The following SEMA5A variants were observed in gnomAD, a reference collection of about 807,000 sequenced individuals.
SEMA5A encodes semaphorin-5A.
Under a neutral mutation model 135.5 loss-of-function variants are expected in SEMA5A, and 55 were observed. That is an observed-to-expected ratio of 0.41 (90% CI 0.33 to 0.51). SEMA5A has a LOEUF of 0.51. Among genes scored for constraint, SEMA5A ranks in the 20% least tolerant of loss-of-function variants. SEMA5A has a pLI of 0.37. For missense variants in SEMA5A, 1,290 were observed against 1,419.9 expected, an observed-to-expected ratio of 0.91 and a Z score of 1.47; for synonymous variants, 580 against 546.5, an observed-to-expected ratio of 1.06 and a Z score of -0.85.
chr5:9,114,741 A>T (rs1374765643), intron 15 of SEMA5A, among the ~76,000 whole-genome samples: 1 of 152,246 alleles, frequency 6.6e-6, no homozygotes, highest in Non-Finnish European at 1.5e-5. Flanking sequence ...CTAAAAGAAC[A>T]GGAACTGGAT....
chr5:9,188,389 A>G (rs1278586251), intron 11 of SEMA5A, among the ~76,000 whole-genome samples: 1 of 152,248 alleles, frequency 6.6e-6, no homozygotes, highest in Non-Finnish European at 1.5e-5. Flanking sequence ...GAGGAGTTTC[A>G]TCAGAAATCC....
chr5:9,044,496 C>G lies in SEMA5A; in HGVS notation c.2982G>C (p.Gln994His). The change falls in exon 22 of 23, where the codon CAG (glutamine) becomes CAC (histidine). Residue 994 changes from glutamine (Q) to histidine (H), a missense_variant. Gln to His is a conservative substitution (Grantham distance 24, BLOSUM62 0). Coordinates refer to ENST00000382496, the MANE Select transcript of SEMA5A (RefSeq NM_003966.3). ...LLTLLVYTYC[Q>H]RYQQQSHDAT... is the part of the protein sequence containing the mutation. ...CATCGTGGGATTGCTGCTGGTACCG[C>G]TGGCAGTAAGTATAGACGAGCAGGG... is the stretch of plus-strand genomic sequence containing the variant. 1 of 1,613,958 alleles carries G rather than the reference C, an allele frequency of 6.2e-7. No individual in the cohort carries two copies. Among genetic ancestry groups the G allele is most frequent in the African/African-American group, 1.3e-5 (1 of 75,004 alleles).
rs970260314 is a variant in SEMA5A at position 9,397,737 on chromosome 5, C to T, written c.-77-17714G>A. On this transcript the variant is annotated intron_variant, in intron 2 of 22. Transcript: ENST00000382496. ...AATCAAGATGAATTGGGAGCTTAAG[C>T]GCTGTCTCTAATTCACACCACCAGA... Among the ~76,000 whole-genome samples the T allele has an allele frequency of 7.2e-5, 11 of 152,288 alleles. 1 individual carries two copies. In the South Asian group the frequency reaches 1.5e-3, roughly 20 times the overall value.
At chr5:9,192,456 G>A (rs1745163459) in intron 10 of SEMA5A, among the ~76,000 whole-genome samples, 1 of 152,214 alleles carries the variant, frequency 6.6e-6, no homozygotes, top group Admixed American at 6.5e-5. Flanking sequence ...AATGGTAAAT[G>A]CATTGGTCTT....
At chr5:9,150,113 A>G (rs1338310257) in intron 12 of SEMA5A, among the ~76,000 whole-genome samples, 1 of 152,186 alleles carries the variant, frequency 6.6e-6, no homozygotes, top group African/African-American at 2.4e-5. Context: ...TGCAGGGATT[A>G]CAGGTGTGAG....
At chr5:9,324,295 C>T (rs2150684373) in intron 4 of SEMA5A, among the ~76,000 whole-genome samples, 1 of 151,364 alleles carries the variant, frequency 6.6e-6, no homozygotes, top group East Asian at 2.0e-4. Flanking sequence ...GTCTCTATCT[C>T]CTGACCTCAT....
At chr5:9,176,315 A>T (rs1362159671) in intron 11 of SEMA5A, among the ~76,000 whole-genome samples, 1 of 152,160 alleles carries the variant, frequency 6.6e-6, no homozygotes, top group African/African-American at 2.4e-5. Context: ...CAGCCAGGAC[A>T]AAACTAGGGC....
At chr5:9,348,374 T>C (rs1431556909) in intron 3 of SEMA5A, among the ~76,000 whole-genome samples, 3 of 152,206 alleles carry the variant, frequency 2.0e-5, no homozygotes, top group African/African-American at 7.2e-5. Flanking sequence ...TATAAGATTA[T>C]GCAAATTCAT....
Position 9,324,217 on chromosome 5 carries a change from C to T in SEMA5A, c.225-5800G>A, listed in dbSNP as rs1048738258. ...CCGAGTAGCTGGGACTACAGGCGCC[C>T]GCCACCACACCTGGCTAATTTTTTG... On this transcript the variant is annotated intron_variant, in intron 4 of 22. Coordinates refer to ENST00000382496, the MANE Select transcript of SEMA5A (RefSeq NM_003966.3). Among the ~76,000 whole-genome samples, 20 of 151,692 alleles carry T rather than the reference C, an allele frequency of 1.3e-4. 1 individual carries two copies. Among genetic ancestry groups the T allele is most frequent in the African/African-American group, 4.6e-4 (19 of 41,262 alleles).
chr5:9,304,467 T>G (rs1422787497), intron 5 of SEMA5A, among the ~76,000 whole-genome samples: 1 of 151,868 alleles, frequency 6.6e-6, no homozygotes, highest in Non-Finnish European at 1.5e-5. Context: ...CTTTATATTA[T>G]TTTTAAAGTT....
At chr5:9,478,061 G>T (rs901954461) in intron 1 of SEMA5A, among the ~76,000 whole-genome samples, 3 of 152,132 alleles carry the variant, frequency 2.0e-5, no homozygotes, top group Non-Finnish European at 2.9e-5. Context: ...TGACTATAGG[G>T]GCCAAGGTAC....
intron 5 of SEMA5A, among the ~76,000 whole-genome samples, chr5:9,304,550 C>T (rs927656380): frequency 5.3e-5 from 8 of 151,992 alleles, no homozygotes; most frequent in African/African-American, 1.4e-4. Flanking sequence ...GTCATACAGC[C>T]TATATAGTTT....
At chr5:9,401,485 C>T (rs1272195202) in intron 2 of SEMA5A, among the ~76,000 whole-genome samples, 2 of 152,104 alleles carry the variant, frequency 1.3e-5, no homozygotes, top group African/African-American at 4.8e-5. Flanking sequence ...GACACCTGTG[C>T]AATTACAATG....
intron 3 of SEMA5A, among the ~76,000 whole-genome samples, chr5:9,358,838 T>C (rs541552897): frequency 4.6e-5 from 7 of 152,324 alleles, no homozygotes; most frequent in Middle Eastern, 3.4e-3. Flanking sequence ...CTCTATGCTA[T>C]GACAAATATG....
chr5:9,512,955 G>A (rs965080595), intron 1 of SEMA5A, among the ~76,000 whole-genome samples: 1 of 151,700 alleles, frequency 6.6e-6, no homozygotes, highest in Non-Finnish European at 1.5e-5. Context: ...ATAGAGTTCT[G>A]TGCCAAAGCA....
chr5:9,544,621 C>A (rs930685597), intron 1 of SEMA5A, among the ~76,000 whole-genome samples: 1 of 152,234 alleles, frequency 6.6e-6, no homozygotes, highest in African/African-American at 2.4e-5. Context: ...TGTGGCGCCT[C>A]GTCCTCCGAG....
chr5:9,226,286 G>A lies in SEMA5A; in HGVS notation c.432+583C>T, dbSNP rs555037595. ...ATACCCTGAATTAGGAAGATTCCAC[G>A]TGTGTTCTACTGACCCTGCCATGCT... is the stretch of plus-strand genomic sequence containing the variant. On this transcript the variant is annotated intron_variant, in intron 7 of 22. Transcript: ENST00000382496. Among the ~76,000 whole-genome samples, 66 of 152,302 alleles carry A rather than the reference G, an allele frequency of 4.3e-4. No individual in the cohort carries two copies. The South Asian group carries it at 8.9e-3, about 21-fold the overall frequency.
At position 9,119,037 on chromosome 5, in the gene SEMA5A, T is replaced by A; in HGVS notation, c.1886A>T (p.His629Leu). Residue 629 changes from histidine to leucine, a missense_variant, in exon 15 of 23, where the codon CAC becomes CTC. His to Leu is a moderately conservative substitution (Grantham distance 99). Around this residue, in one of 3 missense-constraint regions of SEMA5A, gnomAD observed 1,029 missense variants for 1,086.6 expected, o/e 0.95. Coordinates refer to ENST00000382496, the MANE Select transcript of SEMA5A (RefSeq NM_003966.3). ...QRSCSNPTPR[H>L]GGRVCVGQNR... The stretch of plus-strand genomic sequence containing the variant: ...CTGTCCCACGCACACCCGGCCCCCG[T>A]GCCTGGGAGTGGGGTTGCTGCAGGA... The A allele has an allele frequency of 6.2e-7, 1 of 1,613,532 alleles. No homozygotes were observed. Among genetic ancestry groups the A allele is most frequent in the Admixed American group, 1.7e-5 (1 of 59,980 alleles).
intron 9 of SEMA5A, among the ~76,000 whole-genome samples, chr5:9,199,762 T>C (rs990869170): frequency 6.6e-6 from 1 of 152,238 alleles, no homozygotes; most frequent in Non-Finnish European, 1.5e-5. Context: ...TATAAACAAC[T>C]ACAATGGTAA....
Sources: allele counts gnomAD v4.1 joint callset (sites outside exome capture counted in the v4.1 genomes callset), GRCh38; gene constraint gnomAD v4.1.1; regional missense constraint gnomAD v4.1.1; transcripts MANE v1.5; gene names NCBI Gene and HGNC (gene_info 2026-07-23, HGNC 2026-07-21).